Variants in NOTCH1 observed in about 807,000 individuals in gnomAD.
The protein encoded by NOTCH1 is neurogenic locus notch homolog protein 1.
Under a neutral mutation model 254.8 loss-of-function variants are expected in NOTCH1, and 37 were observed. The observed-to-expected ratio is 0.15, with a 90% CI of 0.11 to 0.19. NOTCH1 has a LOEUF of 0.19. Among genes scored for constraint, NOTCH1 ranks in the 10% least tolerant of loss-of-function variants. NOTCH1 has a pLI of 1.00. For synonymous variants in NOTCH1, 1,731 were observed against 1,618.1 expected (o/e 1.07, Z -1.68); for missense variants, 2,972 against 3,708.6 (o/e 0.80, Z 5.16).
At chr9:136,527,794 G>C (rs1299116621) in intron 2 of NOTCH1, among the ~76,000 whole-genome samples, 1 of 152,148 alleles carries the variant, frequency 6.6e-6, no homozygotes, top group Non-Finnish European at 1.5e-5. Context: ...TGTCCTATCT[G>C]GGCCCCCCGC....
At chr9:136,508,749 G>T in intron 19 of NOTCH1, 121 bp downstream of exon 19, 1 of 1,001,492 alleles carries the variant, frequency 1.0e-6, no homozygotes, top group Non-Finnish European at 1.4e-6. Context: ...CCCTCTGCCC[G>T]GGGGTGTGGG....
intron 2 of NOTCH1, among the ~76,000 whole-genome samples, chr9:136,535,924 T>C (rs1181320156): frequency 8.1e-5 from 4 of 49,242 alleles, no homozygotes; most frequent in Non-Finnish European, 1.6e-4. Context: ...CCCGGGGCAA[T>C]GAGTGCAGGG....
Position 136,506,725 on chromosome 9 carries a change from C to A in NOTCH1, c.3892G>T (p.Gly1298Cys), listed in dbSNP as rs1843091807. The A allele has an allele frequency of 6.3e-7, 1 of 1,599,450 alleles. No homozygotes were observed. The highest frequency in any genetic ancestry group is 8.5e-7 in the Non-Finnish European group (1 of 1,173,700). Residue 1298 changes from glycine to cysteine, a missense_variant, in exon 23 of 34, where the codon GGT (glycine) becomes TGT (cysteine). By Grantham distance (159) the Gly-to-Cys change is radical (BLOSUM62 -3). Coordinates refer to ENST00000651671, the MANE Select transcript of NOTCH1 (RefSeq NM_017617.5). This position sits in a 1 kb window ranked among gnomAD's most constrained non-coding sequence, Gnocchi z 4.5. ...VNDFHCECRAGHTGRRCESVI... is the reference protein window; with the variant it reads ...VNDFHCECRACHTGRRCESVI... ...TGGGCGCGGCACCCACCGGTGTGAC[C>A]AGCACGGCACTCGCAGTGGAAGTCA...
In NOTCH1 at chr9:136,517,390, G is replaced by A; in HGVS notation, c.1442-5C>T. On this transcript the variant is annotated splice_polypyrimidine_tract_variant and splice_region_variant and intron_variant, in intron 8 of 33. Transcript: ENST00000651671. ...CGCAGTGCACACCCTCGTAGCCTGT[G>A]GGGTGGGGCAACAGTGAGGGGGGCA... 4 of 1,581,798 alleles carry A rather than the reference G, an allele frequency of 2.5e-6. No homozygotes were observed. The highest frequency in any genetic ancestry group is 3.4e-6 in the Non-Finnish European group (4 of 1,161,784).
chr9:136,543,558 GC>G (rs1843764109), intron 2 of NOTCH1: 1 of 320,438 alleles, frequency 3.1e-6, no homozygotes, highest in South Asian at 2.5e-5. Context: ...ATCACTACCA[GC>G]CCAAGAGGCA....
intron 17 of NOTCH1, 182 bp downstream of exon 17, chr9:136,510,471 T>TG: frequency 1.3e-6 from 1 of 747,796 alleles, no homozygotes; most frequent in Non-Finnish European, 2.2e-6. Context: ...AAGCCGGCTC[T>TG]GGGGCCCTCC....
At chr9:136,528,507 T>G (rs1589075773) in intron 2 of NOTCH1, among the ~76,000 whole-genome samples, 2 of 57,732 alleles carry the variant, frequency 3.5e-5, no homozygotes, top group East Asian at 6.8e-4. Context: ...GCAGGGACAG[T>G]GAGGGGGATG....
At chr9:136,528,699 C>T (rs916370057) in intron 2 of NOTCH1, among the ~76,000 whole-genome samples, 3 of 151,914 alleles carry the variant, frequency 2.0e-5, no homozygotes, top group African/African-American at 7.3e-5. Context: ...TAACACATCC[C>T]ACCTGCTCCC....
At position 136,499,005 on chromosome 9, in the gene NOTCH1, A is replaced by G. The variant is rs2133322017; in HGVS notation, c.6083-9T>C. 6.2e-7 allele frequency: 1 copy of G among 1,613,296 alleles called. No individual in the cohort carries two copies. The stretch of plus-strand genomic sequence containing the variant: ...GTGCAGGGCGGACTTGCCTGCGTGA[A>G]AGAAGCAGATGGGGTAGGTTGGAGA... On this transcript the variant is annotated splice_polypyrimidine_tract_variant and intron_variant, in intron 32 of 33. Coordinates refer to ENST00000651671, the MANE Select transcript of NOTCH1 (RefSeq NM_017617.5).
intron 2 of NOTCH1, among the ~76,000 whole-genome samples, chr9:136,526,812 G>A (rs1176278437): frequency 6.6e-6 from 1 of 152,242 alleles, no homozygotes; most frequent in Non-Finnish European, 1.5e-5. Context: ...TCAGGCGTCG[G>A]TGCTCGGACA....
chr9:136,536,361 C>G (rs1843657294), intron 2 of NOTCH1, among the ~76,000 whole-genome samples: 1 of 152,182 alleles, frequency 6.6e-6, no homozygotes, highest in Non-Finnish European at 1.5e-5. Flanking sequence ...GTTCCTAGCT[C>G]TCTCCTGTCA....
rs1321221009 is a variant in NOTCH1, at chr9:136,516,155, C to T, written c.1556-61G>A. 3.0e-6 allele frequency: 4 copies of T among 1,314,010 alleles called. No homozygotes were observed. The Admixed American group carries it at 5.3e-5, about 17-fold the overall frequency. The allele number at this position is 1,314,010 out of a possible 1,614,324, so 81.4% of individuals were successfully genotyped here. Reference sequence around the variant, plus strand: ...CAACAGCACTATGGCCCTTCAGGGACCCCTGGCCAGACCCCAGCAGTGAGC... The same window carrying T: ...CAACAGCACTATGGCCCTTCAGGGATCCCTGGCCAGACCCCAGCAGTGAGC... On this transcript the variant is annotated intron_variant, in intron 9 of 33. Coordinates refer to ENST00000651671, the MANE Select transcript of NOTCH1 (RefSeq NM_017617.5).
chr9:136,500,052 T>A (rs1842972329), intron 31 of NOTCH1, among the ~76,000 whole-genome samples: 1 of 152,096 alleles, frequency 6.6e-6, no homozygotes, highest in South Asian at 2.1e-4. Flanking sequence ...CCAGGGACAC[T>A]CCCTGGAGAC....
At position 136,540,694 on chromosome 9, in the gene NOTCH1, C is replaced by T. The variant is rs1001193029; in HGVS notation, c.140+3330G>A. Among the ~76,000 whole-genome samples, 85 of 152,214 alleles carry T rather than the reference C, an allele frequency of 5.6e-4. No individual in the cohort carries two copies. Among genetic ancestry groups the T allele is most frequent in the African/African-American group, 2.0e-3 (82 of 41,516 alleles). On this transcript the variant is annotated intron_variant, in intron 2 of 33. Transcript: ENST00000651671. This position sits in a 1 kb window ranked among gnomAD's most constrained non-coding sequence, Gnocchi z 4.4. The stretch of plus-strand genomic sequence containing the variant: ...CAAGGTCACAGAGCTAGTGGCCAGG[C>T]CAGGCCTCAGACACGAGGTTGTCCA...
chr9:136,504,508 T>C (rs1843045740), intron 26 of NOTCH1, among the ~76,000 whole-genome samples, 165 bp downstream of exon 26: 1 of 152,246 alleles, frequency 6.6e-6, no homozygotes, highest in Non-Finnish European at 1.5e-5. Context: ...ACTCCTTGCC[T>C]GCGCAGGCCC....
rs964292629 is a variant in NOTCH1, at chr9:136,540,210, G to A, written c.140+3814C>T. The stretch of plus-strand genomic sequence containing the variant: ...CATGTGAGCTAGGTGCCTCTCTCAC[G>A]CCTTGCTGGGAAGTGAACTCCACAG... On this transcript the variant is annotated intron_variant, in intron 2 of 33. Coordinates refer to ENST00000651671, the MANE Select transcript of NOTCH1 (RefSeq NM_017617.5). The surrounding 1 kb of genome is among the most constrained non-coding windows in gnomAD (Gnocchi z 4.4). 6.6e-6 allele frequency among the ~76,000 whole-genome samples: 1 copy of A among 152,198 alleles called. No individual in the cohort carries two copies.
At chr9:136,532,526 C>T (rs991955831) in intron 2 of NOTCH1, among the ~76,000 whole-genome samples, 14 of 152,196 alleles carry the variant, frequency 9.2e-5, no homozygotes, top group Non-Finnish European at 2.1e-4. Context: ...GAAGGGGCTC[C>T]AGGGTGGATG....
Position 136,496,543 on chromosome 9 carries a change from G to A in NOTCH1, c.7196C>T (p.Pro2399Leu), listed in dbSNP as rs546600292. Residue 2399 changes from proline to leucine, a missense_variant, in exon 34 of 34, where the codon CCA (proline) becomes CTA (leucine). This residue lies in a region of NOTCH1 where 529 missense variants were observed against 529.2 expected (regional missense o/e 1.00). Coordinates refer to ENST00000651671, the MANE Select transcript of NOTCH1 (RefSeq NM_017617.5). The part of the protein sequence containing the change: ...NLQMQQQNLQ[P>L]ANIQQQQSLQ... The stretch of plus-strand genomic sequence containing the variant: ...GCTTTGCTGCTGCTGGATGTTTGCT[G>A]GCTGCAGGTTCTGCTGCTGCATCTG... 7 of 1,608,750 alleles carry A rather than the reference G, an allele frequency of 4.4e-6. No individual in the cohort carries two copies. The highest frequency in any genetic ancestry group is 2.2e-5 in the South Asian group (2 of 91,086).
rs1483404433 is a variant in NOTCH1 at position 136,495,364 on chromosome 9, C to T, written c.*707G>A. The stretch of plus-strand genomic sequence containing the variant: ...CTGAAACAAAGATTCATGATTGGTA[C>T]CATGGGTGCACTCTTGGCATACACA... On this transcript the variant is annotated 3_prime_UTR_variant, in exon 34 of 34. Coordinates refer to ENST00000651671, the MANE Select transcript of NOTCH1 (RefSeq NM_017617.5). The T allele has an allele frequency of 5.0e-6, 2 of 398,736 alleles. No individual in the cohort carries two copies. Among genetic ancestry groups the T allele is most frequent in the Non-Finnish European group, 8.8e-6 (2 of 226,114 alleles). 24.7% of individuals were successfully genotyped at this position (398,736 alleles called of 1,614,324 possible). A position where few individuals can be genotyped will look rare whatever the true frequency, so the allele number is the denominator to read the frequency against.
Sources: gnomAD v4.1 joint callset for allele counts (sites outside exome capture counted in the v4.1 genomes callset) on GRCh38, gnomAD v4.1.1 for gene constraint, gnomAD v4.1.1 regional missense constraint, Gnocchi (gnomAD v3.1) non-coding constraint, MANE v1.5 for transcripts, NCBI Gene and HGNC (gene_info 2026-07-23, HGNC 2026-07-21) for gene names.